SGK2: variants seen among roughly 807,000 people sequenced by gnomAD.
The protein encoded by SGK2 is serum/glucocorticoid regulated kinase 2, also known as serine/threonine-protein kinase Sgk2.
A neutral mutation model predicts 47.5 loss-of-function variants in SGK2; 36 were observed. The ratio of observed to expected loss-of-function variants is 0.76; its 90% CI spans 0.58 to 1.00. The LOEUF (loss-of-function observed/expected upper bound fraction) is 1.00, where lower values mean the gene tolerates loss of function less well. SGK2 is among the 50% of genes least tolerant of loss of function. SGK2 has a pLI of 0.00. For synonymous variants in SGK2, 157 were observed against 181.9 expected (o/e 0.86, Z 1.10); for missense variants, 404 against 467.4 (o/e 0.86, Z 1.25).
intron 1 of SGK2, among the ~76,000 whole-genome samples, chr20:43,560,167 T>C (rs111648462): frequency 0.024 from 3,622 of 152,142 alleles, 71 homozygotes; most frequent in Non-Finnish European, 0.039. Flanking sequence ...TCAACAGCAA[T>C]ATCTTGAGAA....
Position 43,566,465 on chromosome 20 carries a change from C to G in SGK2, c.-23-8C>G, listed in dbSNP as rs372074467. On this transcript the variant is annotated splice_polypyrimidine_tract_variant and splice_region_variant and intron_variant, in intron 1 of 12. Coordinates refer to ENST00000373100, the MANE Select transcript of SGK2 (RefSeq NM_170693.3). ...CTCTCTCATGCCTGCTCCTCCCTGTCCCCCCAGAGCTGCCTGATCATTGCT... is the reference window on the plus strand; with the variant it reads ...CTCTCTCATGCCTGCTCCTCCCTGTGCCCCCAGAGCTGCCTGATCATTGCT... 1.9e-6 allele frequency: 3 copies of G among 1,613,904 alleles called. No homozygotes were observed. The highest frequency in any genetic ancestry group is 2.2e-5 in the South Asian group (2 of 91,072).
chr20:43,570,644 C>G lies in SGK2; in HGVS notation c.388C>G (p.Arg130Gly). 1.2e-6 allele frequency: 2 copies of G among 1,611,110 alleles called. No homozygotes were observed. The highest frequency in any genetic ancestry group is 8.5e-7 in the Non-Finnish European group (1 of 1,177,946). The change falls in exon 7 of 13, where the codon CGG becomes GGG. Residue 130 changes from arginine to glycine, a missense_variant. Arg to Gly is a moderately radical substitution (Grantham distance 125). Transcript: ENST00000373100. Reference protein sequence around the residue: ...ELFFHLQRERRFLEPRARFYA... With the variant: ...ELFFHLQRERGFLEPRARFYA... ...CTTCTTCCACCTGCAGCGGGAGCGC[C>G]GGTTCCTGGAGCCCCGGGCCAGGTT...
At chr20:43,575,792 A>G (rs1980426414) in intron 10 of SGK2, among the ~76,000 whole-genome samples, 1 of 152,146 alleles carries the variant, frequency 6.6e-6, no homozygotes, top group South Asian at 2.1e-4. Flanking sequence ...GTGTGGGAGG[A>G]AGAATAGTAA....
chr20:43,577,083 T>C (rs1349350232), intron 11 of SGK2, among the ~76,000 whole-genome samples: 1 of 151,910 alleles, frequency 6.6e-6, no homozygotes, highest in Non-Finnish European at 1.5e-5. Flanking sequence ...GGGGGGCAAA[T>C]TAATAGCGGC....
At chr20:43,583,116 C>T (rs1980897510) in intron 12 of SGK2, 3 of 1,156,428 alleles carry the variant, frequency 2.6e-6, no homozygotes, top group Non-Finnish European at 3.4e-6. Context: ...TGTTAATTCA[C>T]CATTTACATT....
rs755960204 is a variant in SGK2 at position 43,572,143 on chromosome 20, C to T, written c.597+6C>T. The T allele has an allele frequency of 1.4e-5, 22 of 1,542,998 alleles. No homozygotes were observed. The South Asian group carries it at 1.9e-4, about 13-fold the overall frequency. On this transcript the variant is annotated splice_donor_region_variant and intron_variant, in intron 9 of 12. Coordinates refer to ENST00000373100, the MANE Select transcript of SGK2 (RefSeq NM_170693.3). This position sits in a 1 kb window ranked among gnomAD's most constrained non-coding sequence, Gnocchi z 4.2. ...CATTCTGTGGTACCCCTGAGGTAAG[C>T]GTAAACATCCCAGGAGAGGGGAGGT... is the stretch of plus-strand genomic sequence containing the variant.
intron 11 of SGK2, among the ~76,000 whole-genome samples, chr20:43,578,139 C>T (rs903687782): frequency 2.6e-5 from 4 of 152,028 alleles, no homozygotes; most frequent in Admixed American, 1.3e-4. Context: ...AAAAGAAGGC[C>T]GCAATATTTT....
chr20:43,583,025 G>T (rs372457267), intron 12 of SGK2, among the ~76,000 whole-genome samples: 1 of 152,194 alleles, frequency 6.6e-6, no homozygotes, highest in African/African-American at 2.4e-5. Context: ...GGAGGTGGGC[G>T]TGTGAAGCTG....
chr20:43,577,213 G>C (rs1980513765), intron 11 of SGK2, among the ~76,000 whole-genome samples: 1 of 152,190 alleles, frequency 6.6e-6, no homozygotes, highest in Admixed American at 6.5e-5. Flanking sequence ...AGCATGTGCA[G>C]AAGTCCTGCT....
Position 43,559,135 on chromosome 20 carries a change from C to A in SGK2, c.-48C>A, listed in dbSNP as rs1366574140. ...CGTGCATGGGGCTGCTCCCCAGGAC[C>A]TGAGCAGGAACCTGGAGTTTTCAGG... is the stretch of plus-strand genomic sequence containing the variant. On this transcript the variant is annotated 5_prime_UTR_variant, in exon 1 of 13. In the 5' UTR this introduces an upstream ATG that the reference lacks. Transcript: ENST00000373100. 1 of 152,272 alleles carries A rather than the reference C, an allele frequency of 6.6e-6. No homozygotes were observed. The highest frequency in any genetic ancestry group is 1.5e-5 in the Non-Finnish European group (1 of 68,138). The allele number at this position is 152,272 out of a possible 1,614,324, so 9.4% of individuals were successfully genotyped here. A position where few individuals can be genotyped will look rare whatever the true frequency, so the allele number is the denominator to read the frequency against.
intron 6 of SGK2, among the ~76,000 whole-genome samples, chr20:43,570,076 C>T (rs1343794603): frequency 6.6e-6 from 1 of 152,144 alleles, no homozygotes; most frequent in Admixed American, 6.5e-5. Context: ...GGTTTTTGTC[C>T]TGCATCCCTA....
chr20:43,578,763 C>A (rs1980614968), intron 11 of SGK2, among the ~76,000 whole-genome samples: 1 of 152,122 alleles, frequency 6.6e-6, no homozygotes. Flanking sequence ...ATCGTAACAA[C>A]AGTTAGGGCA....
At position 43,570,951 on chromosome 20, in the gene SGK2, C is replaced by T. The variant is rs545969419; in HGVS notation, c.474-73C>T. ...AATAGTTCTCCTGCCAGGACCACCC[C>T]CCGCCCAGGTCTCCAACTCTCCTCA... is the stretch of plus-strand genomic sequence containing the variant. On this transcript the variant is annotated intron_variant, in intron 7 of 12. Coordinates refer to ENST00000373100, the MANE Select transcript of SGK2 (RefSeq NM_170693.3). 9.3e-5 allele frequency: 149 copies of T among 1,608,846 alleles called. No individual in the cohort carries two copies. In the East Asian group the frequency reaches 2.5e-3, roughly 27 times the overall value.
rs1295224369 is a variant in SGK2, at chr20:43,566,459, C to T, written c.-23-14C>T. Reference sequence around the variant, plus strand: ...CACCAACTCTCTCATGCCTGCTCCTCCCTGTCCCCCCAGAGCTGCCTGATC... The same window carrying T: ...CACCAACTCTCTCATGCCTGCTCCTTCCTGTCCCCCCAGAGCTGCCTGATC... On this transcript the variant is annotated splice_polypyrimidine_tract_variant and intron_variant, in intron 1 of 12. Transcript: ENST00000373100. 10 of 1,614,096 alleles carry T rather than the reference C, an allele frequency of 6.2e-6. No individual in the cohort carries two copies. Among genetic ancestry groups the T allele is most frequent in the African/African-American group, 1.3e-5 (1 of 75,016 alleles).
intron 1 of SGK2, among the ~76,000 whole-genome samples, chr20:43,560,083 A>G (rs1336738740): frequency 6.6e-6 from 1 of 152,106 alleles, no homozygotes; most frequent in Non-Finnish European, 1.5e-5. Context: ...GTCACAGTCA[A>G]GGTGATGGGG....
rs777932488 is a variant in SGK2 at position 43,572,182 on chromosome 20, G to A, written c.597+45G>A. The A allele has an allele frequency of 2.9e-6, 4 of 1,399,960 alleles. No individual in the cohort carries two copies. In the South Asian group the frequency reaches 4.9e-5, roughly 17 times the overall value. 86.7% of individuals were successfully genotyped at this position (1,399,960 alleles called of 1,614,324 possible). ...GAGAGGGGAGGTCATGAGTGGGTGA[G>A]GCCACAGCTCCTGATTAGAGCCAAC... is the stretch of plus-strand genomic sequence containing the variant. On this transcript the variant is annotated intron_variant, in intron 9 of 12. Transcript: ENST00000373100. This position sits in a 1 kb window ranked among gnomAD's most constrained non-coding sequence, Gnocchi z 4.2.
At position 43,563,325 on chromosome 20, in the gene SGK2, G is replaced by A. The variant is rs894134675; in HGVS notation, c.-23-3148G>A. ...GGAAAATCCAGCACAAGAGATGGAG[G>A]AAGAGCAGTCAGTGAGCTAGAAGGA... On this transcript the variant is annotated intron_variant, in intron 1 of 12. Transcript: ENST00000373100. Among the ~76,000 whole-genome samples, 17 of 152,174 alleles carry A rather than the reference G, an allele frequency of 1.1e-4. 1 individual carries two copies. Among genetic ancestry groups the A allele is most frequent in the Admixed American group, 9.8e-4 (15 of 15,274 alleles).
In SGK2 at chr20:43,566,215, A is replaced by G. The variant is rs1044722258; in HGVS notation, c.-23-258A>G. 6 of 913,106 alleles carry G rather than the reference A, an allele frequency of 6.6e-6. No homozygotes were observed. In the Admixed American group the frequency reaches 1.2e-4, roughly 18 times the overall value. 56.6% of individuals were successfully genotyped at this position (913,106 alleles called of 1,614,324 possible). On this transcript the variant is annotated intron_variant, in intron 1 of 12. Coordinates refer to ENST00000373100, the MANE Select transcript of SGK2 (RefSeq NM_170693.3). ...TGGGTGTCCCCAGTTCTTGAAAAGA[A>G]TCAGCCTGGGAGGGGCCACACCCTG...
intron 9 of SGK2, among the ~76,000 whole-genome samples, chr20:43,574,577 A>G (rs1047481999): frequency 6.6e-6 from 1 of 152,240 alleles, no homozygotes; most frequent in Non-Finnish European, 1.5e-5. Flanking sequence ...TTGCCGGATA[A>G]TACCTTTGAA....
Sources: allele counts gnomAD v4.1 joint callset (sites outside exome capture counted in the v4.1 genomes callset), GRCh38; gene constraint gnomAD v4.1.1; non-coding constraint Gnocchi (gnomAD v3.1); transcripts MANE v1.5; gene names NCBI Gene and HGNC (gene_info 2026-07-23, HGNC 2026-07-21).